NEDD4L: variants seen among roughly 807,000 people sequenced by gnomAD.
NEDD4L encodes NEDD4 like E3 ubiquitin protein ligase.
NEDD4L carries 54 observed loss-of-function variants against 148.9 expected under a neutral mutation model. The ratio of observed to expected loss-of-function variants is 0.36; its 90% CI spans 0.29 to 0.45. NEDD4L has a LOEUF of 0.45. NEDD4L is among the 20% of genes least tolerant of loss of function. The pLI is 1.00. For missense variants in NEDD4L, 856 were observed against 1,233.8 expected, an observed-to-expected ratio of 0.69 and a Z score of 4.59; for synonymous variants, 433 against 440.7, an observed-to-expected ratio of 0.98 and a Z score of 0.22.
chr18:58,201,714 G>C (rs1391257571), intron 2 of NEDD4L, among the ~76,000 whole-genome samples: 1 of 152,096 alleles, frequency 6.6e-6, no homozygotes, highest in Non-Finnish European at 1.5e-5. Context: ...ATTTGTTCTG[G>C]GATTATCCCT....
intron 1 of NEDD4L, among the ~76,000 whole-genome samples, chr18:58,059,036 G>A (rs150141692): frequency 3.7e-4 from 57 of 152,258 alleles, no homozygotes; most frequent in African/African-American, 1.3e-3. Flanking sequence ...CTTTTTAAAT[G>A]TCTTTTTGAA....
intron 13 of NEDD4L, among the ~76,000 whole-genome samples, chr18:58,338,522 A>C (rs1488462333): frequency 1.3e-5 from 2 of 152,242 alleles, no homozygotes; most frequent in Admixed American, 1.3e-4. Flanking sequence ...TTCAGTTCTC[A>C]ATAGAAGAGA....
chr18:58,257,038 C>A (rs1263764558), intron 5 of NEDD4L, among the ~76,000 whole-genome samples: 1 of 152,096 alleles, frequency 6.6e-6, no homozygotes, highest in African/African-American at 2.4e-5. Context: ...ATACCTTCCC[C>A]CTGCTTTTAT....
chr18:58,327,982 A>G (rs1462393440), intron 9 of NEDD4L, among the ~76,000 whole-genome samples: 1 of 148,946 alleles, frequency 6.7e-6, no homozygotes, highest in South Asian at 2.1e-4. Flanking sequence ...TTTTGTTTTG[A>G]GATGGAGTCT....
intron 24 of NEDD4L, among the ~76,000 whole-genome samples, chr18:58,380,748 G>T (rs192018744): frequency 1.3e-5 from 2 of 151,934 alleles, no homozygotes; most frequent in Admixed American, 1.3e-4. Flanking sequence ...GACAGGCCCC[G>T]GTGTGTGATG....
In NEDD4L at chr18:58,398,204, A is replaced by T. The variant is rs967815641; in HGVS notation, c.*1935A>T. On this transcript the variant is annotated 3_prime_UTR_variant, in exon 31 of 31. Coordinates refer to ENST00000400345, the MANE Select transcript of NEDD4L (RefSeq NM_001144967.3). ...AAAAAAAAAAAAAAAATTCCCGCTC[A>T]TGAGTTTTGACTATTGGTGAGATGT... 1.4e-5 allele frequency: 2 copies of T among 139,522 alleles called. No homozygotes were observed. The highest frequency in any genetic ancestry group is 5.4e-5 in the African/African-American group (2 of 37,382). The allele number at this position is 139,522 out of a possible 1,614,324, so 8.6% of individuals were successfully genotyped here.
intron 2 of NEDD4L, among the ~76,000 whole-genome samples, chr18:58,181,585 A>G (rs1473630480): frequency 6.6e-6 from 1 of 151,988 alleles, no homozygotes; most frequent in Non-Finnish European, 1.5e-5. Flanking sequence ...GCATGCAACC[A>G]TGCCCAGCTA....
Position 58,096,338 on chromosome 18 carries a change from TTTTATTTTA to T in NEDD4L, c.48+51643_48+51651del, listed in dbSNP as rs1480122972. Among the ~76,000 whole-genome samples, 300 of 147,240 alleles carry T rather than the reference TTTTATTTTA, an allele frequency of 2.0e-3. 1 individual carries two copies. Among genetic ancestry groups the T allele is most frequent in the South Asian group, 7.0e-3 (33 of 4,730 alleles). ...AATCCTCCTGGCCTTAGTGTGATTA[TTTTATTTTA>T]TTTATTTTATTTTATTTTATTTTAT... On this transcript the variant is annotated intron_variant, in intron 1 of 30. Transcript: ENST00000400345.
chr18:58,231,602 G>A (rs1004896498), intron 2 of NEDD4L, among the ~76,000 whole-genome samples: 9 of 152,166 alleles, frequency 5.9e-5, no homozygotes, highest in East Asian at 3.9e-4. Context: ...TCACTTGGTC[G>A]CCCAGGCTGG....
intron 5 of NEDD4L, among the ~76,000 whole-genome samples, chr18:58,306,999 T>TCC (rs2057144779): frequency 6.6e-6 from 1 of 152,234 alleles, no homozygotes; most frequent in African/African-American, 2.4e-5. Context: ...TGGCTTGTTA[T>TCC]TCCTTGCAAT....
At chr18:58,193,225 G>C (rs766700548) in intron 2 of NEDD4L, among the ~76,000 whole-genome samples, 18 of 152,174 alleles carry the variant, frequency 1.2e-4, no homozygotes, top group Non-Finnish European at 2.2e-4. Context: ...AATTATTCTG[G>C]TATAAAATTA....
chr18:58,330,771 G>A lies in NEDD4L; in HGVS notation c.847G>A (p.Ala283Thr), dbSNP rs1408580789. The A allele has an allele frequency of 1.8e-5, 29 of 1,610,564 alleles. No individual in the cohort carries two copies. The highest frequency in any genetic ancestry group is 2.7e-5 in the African/African-American group (2 of 74,752). The change falls in exon 11 of 31, where the codon GCT (alanine) becomes ACT (threonine). Residue 283 changes from alanine to threonine, a missense_variant. Ala to Thr is a moderately conservative substitution (Grantham distance 58). Transcript: ENST00000400345. ...GACCATTTCAGAGGAAGTGAATATCGCTGGAGACTCTCTCGGTCTGGCTCT... is the reference window on the plus strand; with the variant it reads ...GACCATTTCAGAGGAAGTGAATATCACTGGAGACTCTCTCGGTCTGGCTCT... ...WETISEEVNI[A>T]GDSLGLALPP...
chr18:58,387,558 T>TG, intron 27 of NEDD4L, 60 bp downstream of exon 27: 2 of 1,406,330 alleles, frequency 1.4e-6, no homozygotes, highest in Non-Finnish European at 1.9e-6. Context: ...TCTCATTACT[T>TG]TACAAGTAAT....
At position 58,070,375 on chromosome 18, in the gene NEDD4L, C is replaced by T. The variant is rs2082805323; in HGVS notation, c.48+25667C>T. Among the ~76,000 whole-genome samples the T allele has an allele frequency of 2.6e-5, 4 of 151,962 alleles. No homozygotes were observed. In the South Asian group the frequency reaches 8.3e-4, roughly 32 times the overall value. On this transcript the variant is annotated intron_variant, in intron 1 of 30. Transcript: ENST00000400345. ...AACCTCCTGAATTTAAGTGATTGGTCCTCCCACCTCAGCTTCCCAAGTAGG... is the reference window on the plus strand; with the variant it reads ...AACCTCCTGAATTTAAGTGATTGGTTCTCCCACCTCAGCTTCCCAAGTAGG...
At chr18:58,161,256 C>T (rs933304328) in intron 1 of NEDD4L, among the ~76,000 whole-genome samples, 1 of 152,072 alleles carries the variant, frequency 6.6e-6, no homozygotes, top group African/African-American at 2.4e-5. Flanking sequence ...GTCTTGAACT[C>T]CTGACCTCAA....
chr18:58,121,865 C>T (rs1408756660), intron 1 of NEDD4L, among the ~76,000 whole-genome samples: 1 of 152,214 alleles, frequency 6.6e-6, no homozygotes, highest in Non-Finnish European at 1.5e-5. Flanking sequence ...CATTCCCTTC[C>T]CATGTCTTAT....
intron 5 of NEDD4L, among the ~76,000 whole-genome samples, chr18:58,302,806 C>T (rs2056649023): frequency 6.6e-6 from 1 of 152,224 alleles, no homozygotes; most frequent in African/African-American, 2.4e-5. Flanking sequence ...AGCAACAGTA[C>T]CCAAGGCTCC....
At chr18:58,172,226 G>T (rs1293242148) in intron 2 of NEDD4L, among the ~76,000 whole-genome samples, 2 of 152,148 alleles carry the variant, frequency 1.3e-5, no homozygotes, top group East Asian at 3.9e-4. Context: ...CCGCCGACAG[G>T]GTCAGGAACC....
intron 16 of NEDD4L, among the ~76,000 whole-genome samples, chr18:58,348,326 C>CTTTTTTTTCTTTTTTTTTTT (rs2043371626): frequency 5.6e-5 from 5 of 88,646 alleles, no homozygotes; most frequent in African/African-American, 2.7e-4. Flanking sequence ...TCTTTTTTTT[C>CTTTTTTTTCTTTTTTTTTTT]TTTTTTTTTT....
Sources: allele counts gnomAD v4.1 joint callset (sites outside exome capture counted in the v4.1 genomes callset), GRCh38; gene constraint gnomAD v4.1.1; transcripts MANE v1.5; gene names NCBI Gene and HGNC (gene_info 2026-07-23, HGNC 2026-07-21).